Variants in NIM1K observed in about 807,000 individuals in gnomAD.
NIM1K encodes serine/threonine-protein kinase NIM1.
A neutral mutation model predicts 37.1 loss-of-function variants in NIM1K; 35 were observed. The observed-to-expected ratio is 0.94, with a 90% CI of 0.72 to 1.25. NIM1K has a LOEUF of 1.25. NIM1K is among the 50% of genes most tolerant of loss of function. The pLI, the probability that NIM1K is intolerant of heterozygous loss-of-function variation, is 0.00. For missense variants in NIM1K, 564 were observed against 548.0 expected, an observed-to-expected ratio of 1.03 and a Z score of -0.29; for synonymous variants, 234 against 206.6, an observed-to-expected ratio of 1.13 and a Z score of -1.14.
At chr5:43,197,416 A>T (rs1751935323) in intron 1 of NIM1K, among the ~76,000 whole-genome samples, 1 of 152,136 alleles carries the variant, frequency 6.6e-6, no homozygotes, top group African/African-American at 2.4e-5. Flanking sequence ...AAGTGCTGGG[A>T]TTACAGGCGT....
intron 2 of NIM1K, among the ~76,000 whole-genome samples, chr5:43,248,346 A>G (rs1752814685): frequency 6.6e-6 from 1 of 152,202 alleles, no homozygotes; most frequent in Admixed American, 6.5e-5. Flanking sequence ...TTTTCTTACA[A>G]TGAAGACTTT....
At chr5:43,197,630 C>T (rs1221401097) in intron 1 of NIM1K, among the ~76,000 whole-genome samples, 1 of 152,176 alleles carries the variant, frequency 6.6e-6, no homozygotes, top group Non-Finnish European at 1.5e-5. Flanking sequence ...ACCCTTTATA[C>T]TGCCTCAATT....
intron 1 of NIM1K, among the ~76,000 whole-genome samples, chr5:43,224,485 G>A (rs550590577): frequency 1.3e-5 from 2 of 151,964 alleles, no homozygotes; most frequent in South Asian, 2.1e-4. Context: ...GAACTATAAG[G>A]TCTGTTCCAG....
chr5:43,198,207 C>CT (rs1281355308), intron 1 of NIM1K, among the ~76,000 whole-genome samples: 7 of 48,904 alleles, frequency 1.4e-4, no homozygotes, highest in African/African-American at 5.5e-4. Flanking sequence ...TTCTTTCTTT[C>CT]TCTTTCTTTC....
intron 2 of NIM1K, among the ~76,000 whole-genome samples, chr5:43,265,196 A>C (rs1753116344): frequency 6.6e-6 from 1 of 152,204 alleles, no homozygotes; most frequent in African/African-American, 2.4e-5. Context: ...CTCCTGGATA[A>C]TATCCTGCAG....
chr5:43,229,039 A>G (rs537221865), intron 1 of NIM1K, among the ~76,000 whole-genome samples: 80 of 152,270 alleles, frequency 5.3e-4, no homozygotes, highest in African/African-American at 1.8e-3. Flanking sequence ...TAAAACAATA[A>G]CACGCTTACT....
At chr5:43,265,415 C>T (rs1425441755) in intron 2 of NIM1K, among the ~76,000 whole-genome samples, 1 of 152,194 alleles carries the variant, frequency 6.6e-6, no homozygotes, top group Non-Finnish European at 1.5e-5. Context: ...GAATTGGCTA[C>T]TGAAGCTTGT....
intron 1 of NIM1K, among the ~76,000 whole-genome samples, chr5:43,223,989 TAA>T (rs5867623): frequency 2.0e-5 from 3 of 150,924 alleles, no homozygotes; most frequent in African/African-American, 7.3e-5. Flanking sequence ...TTTTGAGGGT[TAA>T]AAAAAAATCC....
chr5:43,257,335 G>T (rs957158888), intron 2 of NIM1K, among the ~76,000 whole-genome samples: 8 of 151,662 alleles, frequency 5.3e-5, no homozygotes, highest in Non-Finnish European at 1.2e-4. Context: ...GGATAATGAG[G>T]GGAGAATTAA....
At chr5:43,221,212 T>A (rs1021739484) in intron 1 of NIM1K, among the ~76,000 whole-genome samples, 5 of 152,066 alleles carry the variant, frequency 3.3e-5, no homozygotes, top group Non-Finnish European at 7.4e-5. Context: ...CTGTGGCTCA[T>A]GCCTGTAATC....
intron 1 of NIM1K, among the ~76,000 whole-genome samples, chr5:43,215,645 G>A (rs746504537): frequency 6.6e-6 from 1 of 152,198 alleles, no homozygotes; most frequent in Non-Finnish European, 1.5e-5. Context: ...TGTTGGCCTG[G>A]CTAGTCCCCA....
intron 1 of NIM1K, among the ~76,000 whole-genome samples, chr5:43,221,626 A>G (rs1274524967): frequency 6.6e-6 from 1 of 152,186 alleles, no homozygotes; most frequent in East Asian, 1.9e-4. Flanking sequence ...AGATTTATGA[A>G]TAGAAAAAGG....
chr5:43,206,884 A>G (rs1752121228), intron 1 of NIM1K: 3 of 769,816 alleles, frequency 3.9e-6, no homozygotes, highest in African/African-American at 1.7e-5. Context: ...AGCTTTGCCA[A>G]TTTGAGAATT....
chr5:43,237,484 G>T (rs1752638239), intron 1 of NIM1K, among the ~76,000 whole-genome samples: 1 of 152,152 alleles, frequency 6.6e-6, no homozygotes, highest in African/African-American at 2.4e-5. Flanking sequence ...AAGGGCAAAG[G>T]CAAAAGAACA....
At chr5:43,263,875 T>C (rs1041980704) in intron 2 of NIM1K, among the ~76,000 whole-genome samples, 4 of 152,236 alleles carry the variant, frequency 2.6e-5, no homozygotes, top group Non-Finnish European at 5.9e-5. Context: ...CATTTTGTTA[T>C]GTATCCAGTA....
intron 1 of NIM1K, among the ~76,000 whole-genome samples, chr5:43,221,373 C>A (rs529312918): frequency 4.2e-4 from 63 of 148,952 alleles, no homozygotes; most frequent in Non-Finnish European, 7.2e-4. Flanking sequence ...ATTGCTTGAA[C>A]CTGGGAGGCA....
At position 43,261,489 on chromosome 5, in the gene NIM1K, T is replaced by G. The variant is rs867510471; in HGVS notation, c.292+15422T>G. Among the ~76,000 whole-genome samples, 63 of 152,268 alleles carry G rather than the reference T, an allele frequency of 4.1e-4. 1 individual carries two copies. Among genetic ancestry groups the G allele is most frequent in the African/African-American group, 1.4e-3 (60 of 41,570 alleles). On this transcript the variant is annotated intron_variant, in intron 2 of 3. Transcript: ENST00000326035. ...TTTTCTTGTAAATTTGTTTGAGTTC[T>G]TTGTAGATTCTGGATATTAGCCCTT... is the stretch of plus-strand genomic sequence containing the variant.
intron 1 of NIM1K, among the ~76,000 whole-genome samples, chr5:43,213,289 C>CCTTTTCTTTTCTTTT (rs1172681240): frequency 7.1e-4 from 27 of 37,840 alleles, no homozygotes; most frequent in African/African-American, 1.6e-3. Flanking sequence ...TGTTTCCTTT[C>CCTTTTCTTTTCTTTT]CTTTTCTTTT....
chr5:43,229,808 T>G (rs1752512064), intron 1 of NIM1K, among the ~76,000 whole-genome samples: 1 of 151,408 alleles, frequency 6.6e-6, no homozygotes, highest in African/African-American at 2.5e-5. Context: ...AACTAATTTT[T>G]GTATTTTTAG....
Sources: allele counts gnomAD v4.1 joint callset (sites outside exome capture counted in the v4.1 genomes callset), GRCh38; gene constraint gnomAD v4.1.1; transcripts MANE v1.5; gene names NCBI Gene and HGNC (gene_info 2026-07-23, HGNC 2026-07-21).